RHPN2: variants seen among roughly 807,000 people sequenced by gnomAD.
RHPN2 encodes the protein rhophilin-2.
RHPN2 carries 40 observed loss-of-function variants against 79.0 expected under a neutral mutation model. That is an observed-to-expected ratio of 0.51 (90% confidence interval 0.39 to 0.66). The LOEUF (loss-of-function observed/expected upper bound fraction) is 0.66. Ranked by LOEUF, RHPN2 falls within the 30% of genes least tolerant of loss-of-function variation. RHPN2 has a pLI of 0.00. For synonymous variants in RHPN2, 285 were observed against 363.5 expected (o/e 0.78, Z 2.46); for missense variants, 686 against 883.5 (o/e 0.78, Z 2.83).
intron 3 of RHPN2, among the ~76,000 whole-genome samples, chr19:33,025,980 TG>T (rs1971962552): frequency 9.2e-6 from 1 of 108,496 alleles, no homozygotes; most frequent in Non-Finnish European, 1.6e-5. Flanking sequence ...TGTGTTCATT[TG>T]TTTTTTTTTT....
intron 1 of RHPN2, among the ~76,000 whole-genome samples, chr19:33,054,852 G>A (rs1163991121): frequency 6.6e-6 from 1 of 152,170 alleles, no homozygotes; most frequent in Non-Finnish European, 1.5e-5. Flanking sequence ...AGGAAACAAG[G>A]GACATTTACA....
chr19:33,062,743 G>C (rs1332320600), intron 1 of RHPN2, among the ~76,000 whole-genome samples: 2 of 149,946 alleles, frequency 1.3e-5, no homozygotes, highest in South Asian at 4.2e-4. Flanking sequence ...ACTCCAGCCT[G>C]AGCGACAGAG....
intron 1 of RHPN2, 29 bp downstream of exon 1, chr19:33,064,755 T>C (rs2145279479): frequency 7.0e-7 from 1 of 1,427,946 alleles, no homozygotes; most frequent in Non-Finnish European, 9.4e-7. Flanking sequence ...AGCCCGCAGG[T>C]CCCCGCCCGC....
intron 2 of RHPN2, among the ~76,000 whole-genome samples, chr19:33,036,941 G>T (rs1203664677): frequency 6.9e-6 from 1 of 145,596 alleles, no homozygotes; most frequent in African/African-American, 2.8e-5. Flanking sequence ...CCTGCTCCAC[G>T]GCACCCAGTC....
intron 2 of RHPN2, among the ~76,000 whole-genome samples, chr19:33,036,543 T>G (rs930967881): frequency 6.6e-6 from 1 of 152,094 alleles, no homozygotes; most frequent in Non-Finnish European, 1.5e-5. Flanking sequence ...TGGCGACACT[T>G]GAGGAGCCCT....
intron 6 of RHPN2, among the ~76,000 whole-genome samples, chr19:33,009,846 T>G (rs1281978419): frequency 6.6e-6 from 1 of 151,828 alleles, no homozygotes; most frequent in African/African-American, 2.4e-5. Flanking sequence ...TGGCGCCATC[T>G]CAGCTCACTG....
At chr19:33,053,331 C>T (rs192834381) in intron 1 of RHPN2, among the ~76,000 whole-genome samples, 5 of 151,848 alleles carry the variant, frequency 3.3e-5, no homozygotes, top group Admixed American at 2.0e-4. Flanking sequence ...CACATCAAAT[C>T]GTGAACATTT....
At chr19:33,064,755 T>TCCCCC in intron 1 of RHPN2, 29 bp downstream of exon 1, 1 of 1,427,948 alleles carries the variant, frequency 7.0e-7, no homozygotes, top group Non-Finnish European at 9.4e-7. Flanking sequence ...AGCCCGCAGG[T>TCCCCC]CCCCGCCCGC....
At chr19:33,057,139 G>C (rs1011528078) in intron 1 of RHPN2, among the ~76,000 whole-genome samples, 9 of 132,890 alleles carry the variant, frequency 6.8e-5, no homozygotes, top group Non-Finnish European at 1.2e-4. Flanking sequence ...AAAAAAAAGA[G>C]TTCGAGGCCA....
At chr19:33,020,122 G>A (rs1971911504) in intron 4 of RHPN2, among the ~76,000 whole-genome samples, 1 of 152,020 alleles carries the variant, frequency 6.6e-6, no homozygotes, top group South Asian at 2.1e-4. Context: ...TGGCATCTCT[G>A]GCACCCAGCA....
intron 1 of RHPN2, among the ~76,000 whole-genome samples, chr19:33,062,467 GAA>G (rs552189468): frequency 7.7e-6 from 1 of 130,248 alleles, no homozygotes; most frequent in Non-Finnish European, 1.6e-5. Flanking sequence ...ATCTCAGGGG[GAA>G]AAAAAAAAAA....
At chr19:33,059,946 C>T (rs1568329039) in intron 1 of RHPN2, among the ~76,000 whole-genome samples, 2 of 152,144 alleles carry the variant, frequency 1.3e-5, no homozygotes, top group Non-Finnish European at 2.9e-5. Flanking sequence ...ACTCAATACC[C>T]CAACTGCCTC....
intron 4 of RHPN2, among the ~76,000 whole-genome samples, chr19:33,020,138 C>T (rs555288835): frequency 6.6e-4 from 100 of 152,248 alleles, no homozygotes; most frequent in African/African-American, 2.4e-3. Context: ...CAGCACAGTG[C>T]CAGGCACAGG....
rs1971808119 is a variant in RHPN2 at position 33,008,113 on chromosome 19, AC to A, written c.660del (p.Phe221SerfsTer26). ...TGGGTGTAGAGGGCCCCAGTGTTGA[AC>A]AGGACACTGGCCTTCTCCAGCAGCA... ...QNLLLEKASV[L>X]FNTGALYTQI... On this transcript the variant is annotated frameshift_variant, in exon 7 of 15. Transcript: ENST00000254260. LOFTEE classifies it high-confidence loss of function. 1 of 1,613,928 alleles carries A rather than the reference AC, an allele frequency of 6.2e-7. No individual in the cohort carries two copies. Among genetic ancestry groups the A allele is most frequent in the Non-Finnish European group, 8.5e-7 (1 of 1,179,986 alleles).
chr19:33,026,399 C>G, intron 3 of RHPN2, 105 bp downstream of exon 3: 3 of 1,460,664 alleles, frequency 2.1e-6, no homozygotes, highest in Non-Finnish European at 1.9e-6. Flanking sequence ...GTGGGGGCTG[C>G]CACACCCCAG....
intron 2 of RHPN2, among the ~76,000 whole-genome samples, chr19:33,043,229 G>A (rs1385710589): frequency 6.6e-6 from 1 of 151,742 alleles, no homozygotes; most frequent in East Asian, 1.9e-4. Flanking sequence ...GGCAACAAGA[G>A]CGAAACTCCA....
At chr19:33,039,354 TGACG>T (rs1381426547) in intron 2 of RHPN2, among the ~76,000 whole-genome samples, 5 of 152,074 alleles carry the variant, frequency 3.3e-5, no homozygotes, top group Non-Finnish European at 5.9e-5. Context: ...CTCCCACAAC[TGACG>T]GTGTGAGCTG....
At chr19:33,009,799 G>A (rs1396173226) in intron 6 of RHPN2, among the ~76,000 whole-genome samples, 1 of 151,406 alleles carries the variant, frequency 6.6e-6, no homozygotes, top group African/African-American at 2.4e-5. Flanking sequence ...TATTTTTTGA[G>A]ACAGAGTTTT....
chr19:33,000,674 C>T lies in RHPN2; in HGVS notation c.1106-969G>A, dbSNP rs553814477. 6.6e-5 allele frequency among the ~76,000 whole-genome samples: 10 copies of T among 152,252 alleles called. No individual in the cohort carries two copies. In the South Asian group the frequency reaches 1.2e-3, roughly 19 times the overall value. ...CCCTTCCTGCTTCAACCACACCCTTCGTGGCGCGCATCCTGCTCTCAAACC... is the reference window on the plus strand; with the variant it reads ...CCCTTCCTGCTTCAACCACACCCTTTGTGGCGCGCATCCTGCTCTCAAACC... On this transcript the variant is annotated intron_variant, in intron 9 of 14. Coordinates refer to ENST00000254260, the MANE Select transcript of RHPN2 (RefSeq NM_033103.5).
Sources: gnomAD v4.1 joint callset for allele counts (sites outside exome capture counted in the v4.1 genomes callset) on GRCh38, gnomAD v4.1.1 for gene constraint, MANE v1.5 for transcripts, NCBI Gene and HGNC (gene_info 2026-07-23, HGNC 2026-07-21) for gene names.